Variants in NEDD4L observed in about 807,000 individuals in gnomAD.
NEDD4L encodes E3 ubiquitin-protein ligase NEDD4-like.
In NEDD4L, 54 loss-of-function variants were observed where a neutral mutation model predicts 148.9. That is an observed-to-expected ratio of 0.36 (90% confidence interval 0.29 to 0.45). The LOEUF is 0.45. Ranked by LOEUF, NEDD4L falls within the 20% of genes least tolerant of loss-of-function variation. The pLI is 1.00. For synonymous variants in NEDD4L, 433 were observed against 440.7 expected, an observed-to-expected ratio of 0.98 and a Z score of 0.22; for missense variants, 856 against 1,233.8, an observed-to-expected ratio of 0.69 and a Z score of 4.59.
intron 1 of NEDD4L, among the ~76,000 whole-genome samples, chr18:58,120,550 C>T (rs868528878): frequency 4.6e-5 from 7 of 152,238 alleles, no homozygotes; most frequent in South Asian, 2.1e-4. Flanking sequence ...GAGGCTGAGG[C>T]GGGCGGATCA....
chr18:58,049,222 A>G (rs2081740892), intron 1 of NEDD4L, among the ~76,000 whole-genome samples: 1 of 152,234 alleles, frequency 6.6e-6, no homozygotes, highest in Non-Finnish European at 1.5e-5. Context: ...TGTTTGAGGA[A>G]AGTGCTAGAA....
At chr18:58,073,216 G>T (rs1353928631) in intron 1 of NEDD4L, among the ~76,000 whole-genome samples, 1 of 151,742 alleles carries the variant, frequency 6.6e-6, no homozygotes, top group Non-Finnish European at 1.5e-5. Context: ...ATCCCAGCTG[G>T]CTTTTTTTTT....
chr18:58,360,360 C>A (rs1474941721), intron 19 of NEDD4L, among the ~76,000 whole-genome samples: 2 of 152,164 alleles, frequency 1.3e-5, no homozygotes, highest in African/African-American at 4.8e-5. Flanking sequence ...ACATTGTCTG[C>A]TTTATCTCTT....
At chr18:58,234,051 T>TTCTTTCTTTCTTTCTC (rs2045599902) in intron 2 of NEDD4L, among the ~76,000 whole-genome samples, 1 of 72,124 alleles carries the variant, frequency 1.4e-5, no homozygotes, top group African/African-American at 5.6e-5. Flanking sequence ...TTCCTTTTCT[T>TTCTTTCTTTCTTTCTC]TCTTTCTTTC....
chr18:58,284,373 G>T (rs1212621486), intron 5 of NEDD4L, among the ~76,000 whole-genome samples: 1 of 152,144 alleles, frequency 6.6e-6, no homozygotes, highest in African/African-American at 2.4e-5. Flanking sequence ...GTAGCTTTTG[G>T]AAGTGAAGAG....
intron 1 of NEDD4L, among the ~76,000 whole-genome samples, chr18:58,084,029 C>T (rs1484334675): frequency 2.0e-5 from 3 of 152,168 alleles, no homozygotes; most frequent in African/African-American, 4.8e-5. Flanking sequence ...GTGCGCCCGG[C>T]CCAAAGCTTT....
chr18:58,390,565 T>A, intron 28 of NEDD4L, 81 bp from the exon 29 acceptor site: 1 of 858,804 alleles, frequency 1.2e-6, no homozygotes. Context: ...TAAATAAGAT[T>A]AAGTTCTGCC....
At chr18:58,065,831 C>G (rs923803705) in intron 1 of NEDD4L, among the ~76,000 whole-genome samples, 1 of 152,170 alleles carries the variant, frequency 6.6e-6, no homozygotes, top group Non-Finnish European at 1.5e-5. Flanking sequence ...TGGGAAAAAA[C>G]GTGTTTGCCA....
chr18:58,364,129 T>A, intron 19 of NEDD4L, 139 bp from the exon 20 acceptor site: 1 of 652,324 alleles, frequency 1.5e-6, no homozygotes, highest in Non-Finnish European at 2.7e-6. Context: ...GTAGACATTA[T>A]CTAATTTTTC....
At chr18:58,158,458 G>A (rs76747124) in intron 1 of NEDD4L, among the ~76,000 whole-genome samples, 1,580 of 152,314 alleles carry the variant, frequency 0.01, 29 homozygotes, top group African/African-American at 0.037. Context: ...TTTTTTGAAG[G>A]TAGAGTCACC....
At chr18:58,099,568 T>A (rs1249251585) in intron 1 of NEDD4L, among the ~76,000 whole-genome samples, 2 of 152,208 alleles carry the variant, frequency 1.3e-5, no homozygotes, top group African/African-American at 4.8e-5. Flanking sequence ...GATAGTGGTA[T>A]TTCAGTCCAC....
intron 30 of NEDD4L, among the ~76,000 whole-genome samples, chr18:58,393,508 A>G (rs1431038757): frequency 1.3e-5 from 2 of 152,150 alleles, no homozygotes; most frequent in South Asian, 2.1e-4. Context: ...TTTCCTCTTT[A>G]TGTGTCACGG....
chr18:58,340,673 G>A (rs2042306428), intron 13 of NEDD4L, among the ~76,000 whole-genome samples: 1 of 152,232 alleles, frequency 6.6e-6, no homozygotes, highest in Admixed American at 6.5e-5. Context: ...ACACTGGACA[G>A]TTTGAAATAC....
At chr18:58,178,554 C>T (rs146661346) in intron 2 of NEDD4L, among the ~76,000 whole-genome samples, 16 of 152,252 alleles carry the variant, frequency 1.1e-4, no homozygotes, top group South Asian at 4.1e-4. Context: ...ACTTTCGCTA[C>T]GGAATATTCG....
At chr18:58,326,942 A>C (rs2059361180) in intron 9 of NEDD4L, among the ~76,000 whole-genome samples, 1 of 152,138 alleles carries the variant, frequency 6.6e-6, no homozygotes, top group Non-Finnish European at 1.5e-5. Flanking sequence ...CACACTCATC[A>C]AGAGGTGTAC....
intron 6 of NEDD4L, among the ~76,000 whole-genome samples, chr18:58,316,352 C>T (rs2058261663): frequency 6.6e-6 from 1 of 152,194 alleles, no homozygotes; most frequent in Non-Finnish European, 1.5e-5. Flanking sequence ...CTCAGGCCTC[C>T]CTTCTTGTCA....
At chr18:58,119,109 A>G (rs2086053459) in intron 1 of NEDD4L, among the ~76,000 whole-genome samples, 1 of 152,210 alleles carries the variant, frequency 6.6e-6, no homozygotes, top group Admixed American at 6.5e-5. Flanking sequence ...GCCAGTCTTC[A>G]TTGAAAACAC....
intron 5 of NEDD4L, among the ~76,000 whole-genome samples, chr18:58,291,133 CAG>C (rs2054673529): frequency 6.7e-6 from 1 of 149,028 alleles, no homozygotes; most frequent in Non-Finnish European, 1.5e-5. Context: ...CGTGGTCACA[CAG>C]AGAACCAGGC....
intron 5 of NEDD4L, among the ~76,000 whole-genome samples, chr18:58,282,663 C>T (rs2053319210): frequency 1.3e-5 from 2 of 152,114 alleles, no homozygotes. Context: ...TTTTAGTAGG[C>T]AGGGTAAATT....
Sources: gnomAD v4.1 joint callset for allele counts (sites outside exome capture counted in the v4.1 genomes callset) on GRCh38, gnomAD v4.1.1 for gene constraint, MANE v1.5 for transcripts, NCBI Gene and HGNC (gene_info 2026-07-23, HGNC 2026-07-21) for gene names.